Variants in CFAP299 observed in about 807,000 individuals in gnomAD.
The protein encoded by CFAP299 is cilia- and flagella-associated protein 299.
A neutral mutation model predicts 27.0 loss-of-function variants in CFAP299; 21 were observed. That is an observed-to-expected ratio of 0.78 (90% CI 0.55 to 1.12). The LOEUF is 1.12. Ranked by LOEUF, CFAP299 falls within the 50% of genes most tolerant of loss-of-function variation. The probability of loss-of-function intolerance (pLI) is 0.00; values close to 1 mark genes in which losing one functional copy is unlikely to be tolerated. For missense variants in CFAP299, 310 were observed against 276.6 expected (o/e 1.12, Z -0.86); for synonymous variants, 104 against 98.1 (o/e 1.06, Z -0.36).
chr4:80,490,522 T>C (rs1219145846), intron 2 of CFAP299, among the ~76,000 whole-genome samples: 1 of 152,186 alleles, frequency 6.6e-6, no homozygotes, highest in East Asian at 1.9e-4. Flanking sequence ...GAATCTCTCA[T>C]ACCAGAAGAG....
chr4:80,489,780 G>A lies in CFAP299; in HGVS notation c.243-93313G>A, dbSNP rs1731021228. 2.6e-5 allele frequency among the ~76,000 whole-genome samples: 4 copies of A among 152,120 alleles called. No homozygotes were observed. In the South Asian group the frequency reaches 8.3e-4, roughly 32 times the overall value. On this transcript the variant is annotated intron_variant, in intron 2 of 5. Transcript: ENST00000358105. ...CTACTTGACACATGCATATCGTTAT[G>A]ATCTCTCAGACTACTAATTATAATT...
intron 2 of CFAP299, among the ~76,000 whole-genome samples, chr4:80,522,416 A>T (rs1339453528): frequency 1.3e-5 from 2 of 152,064 alleles, no homozygotes; most frequent in African/African-American, 2.4e-5. Flanking sequence ...CTTATCAGTT[A>T]AAGGTTTGGA....
At chr4:80,358,897 T>C (rs1252326661) in intron 1 of CFAP299, among the ~76,000 whole-genome samples, 1 of 152,180 alleles carries the variant, frequency 6.6e-6, no homozygotes, top group Non-Finnish European at 1.5e-5. Flanking sequence ...CTTGTTTATG[T>C]TGTTGCTTCA....
At chr4:80,346,222 G>T (rs1722719516) in intron 1 of CFAP299, among the ~76,000 whole-genome samples, 1 of 152,106 alleles carries the variant, frequency 6.6e-6, no homozygotes, top group African/African-American at 2.4e-5. Context: ...CATTCTGTAG[G>T]TTGCCTCTTC....
intron 2 of CFAP299, among the ~76,000 whole-genome samples, chr4:80,505,673 C>T (rs955714579): frequency 2.0e-5 from 3 of 152,094 alleles, no homozygotes; most frequent in Non-Finnish European, 4.4e-5. Flanking sequence ...AAAATAGCTC[C>T]TCTCTAATAG....
chr4:80,728,007 A>G (rs1327433188), intron 3 of CFAP299, among the ~76,000 whole-genome samples: 1 of 152,074 alleles, frequency 6.6e-6, no homozygotes, highest in African/African-American at 2.4e-5. Flanking sequence ...TCTCATTTCA[A>G]CTATGCATTA....
At chr4:80,342,187 G>A (rs780363092) in intron 1 of CFAP299, among the ~76,000 whole-genome samples, 4 of 152,128 alleles carry the variant, frequency 2.6e-5, no homozygotes, top group African/African-American at 4.8e-5. Flanking sequence ...CTGAACCTAC[G>A]ACTGATTGGG....
chr4:80,703,655 T>C (rs1384735096), intron 3 of CFAP299, among the ~76,000 whole-genome samples: 1 of 151,646 alleles, frequency 6.6e-6, no homozygotes, highest in African/African-American at 2.4e-5. Context: ...TGCTGTGTAG[T>C]TCTTGATATT....
At chr4:80,442,291 A>G (rs141131716) in intron 2 of CFAP299, among the ~76,000 whole-genome samples, 13,621 of 152,168 alleles carry the variant, frequency 0.09, 1,498 homozygotes, top group African/African-American at 0.26. Flanking sequence ...TCTAAAATTG[A>G]CCACATAATT....
intron 3 of CFAP299, among the ~76,000 whole-genome samples, chr4:80,797,453 G>C (rs544978810): frequency 7.0e-6 from 1 of 142,378 alleles, no homozygotes; most frequent in African/African-American, 2.6e-5. Context: ...TAGGAATACC[G>C]TGATCAATTA....
intron 3 of CFAP299, among the ~76,000 whole-genome samples, chr4:80,616,003 C>T (rs987353640): frequency 7.2e-5 from 11 of 152,182 alleles, no homozygotes; most frequent in African/African-American, 2.7e-4. Flanking sequence ...TACTCAGTTA[C>T]TAACTCACTC....
chr4:80,362,622 A>G, intron 1 of CFAP299, 132 bp from the exon 2 acceptor site: 1 of 941,418 alleles, frequency 1.1e-6, no homozygotes, highest in African/African-American at 1.7e-5. Flanking sequence ...GATCATGTCT[A>G]GTTTTTAAAT....
At chr4:80,924,574 A>G (rs2110213538) in intron 4 of CFAP299, among the ~76,000 whole-genome samples, 1 of 143,928 alleles carries the variant, frequency 6.9e-6, no homozygotes, top group Non-Finnish European at 1.5e-5. Flanking sequence ...CTGTGTCTGT[A>G]ATTTCTAGAA....
Position 80,444,495 on chromosome 4 carries a change from A to G in CFAP299, c.242+81611A>G, listed in dbSNP as rs151001685. On this transcript the variant is annotated intron_variant, in intron 2 of 5. Coordinates refer to ENST00000358105, the MANE Select transcript of CFAP299 (RefSeq NM_152770.3). ...AGCCATATGCAGAAAACTGAAACTG[A>G]ACCCCTATCTTACACATTATACAAA... is the stretch of plus-strand genomic sequence containing the variant. Among the ~76,000 whole-genome samples the G allele has an allele frequency of 6.2e-3, 941 of 152,246 alleles. 2 individuals are homozygous for G. The highest frequency in any genetic ancestry group is 0.024 in the Middle Eastern group (7 of 294).
intron 3 of CFAP299, among the ~76,000 whole-genome samples, chr4:80,755,683 T>C (rs1428250682): frequency 6.6e-6 from 1 of 152,122 alleles, no homozygotes; most frequent in African/African-American, 2.4e-5. Flanking sequence ...TTCTAAGTTG[T>C]AATTCCTGTG....
chr4:80,450,779 T>C (rs1728863007), intron 2 of CFAP299, among the ~76,000 whole-genome samples: 1 of 152,106 alleles, frequency 6.6e-6, no homozygotes, highest in African/African-American at 2.4e-5. Context: ...TGTTAAAATA[T>C]TATTTTCAAC....
chr4:80,566,698 C>T (rs1457579587), intron 2 of CFAP299, among the ~76,000 whole-genome samples: 1 of 152,002 alleles, frequency 6.6e-6, no homozygotes, highest in Non-Finnish European at 1.5e-5. Context: ...TCTTTGCTTT[C>T]ATTTTTTTCA....
intron 3 of CFAP299, among the ~76,000 whole-genome samples, chr4:80,697,114 C>A (rs1721149526): frequency 6.6e-6 from 1 of 151,822 alleles, no homozygotes; most frequent in Non-Finnish European, 1.5e-5. Flanking sequence ...GAGGCCAAGG[C>A]AGGAGGATTG....
At chr4:80,364,336 C>T (rs1455337702) in intron 2 of CFAP299, among the ~76,000 whole-genome samples, 2 of 152,000 alleles carry the variant, frequency 1.3e-5, no homozygotes, top group Non-Finnish European at 2.9e-5. Context: ...GGGGGCTGGT[C>T]TTTGCTCCTA....
Sources: gnomAD v4.1 joint callset for allele counts (sites outside exome capture counted in the v4.1 genomes callset) on GRCh38, gnomAD v4.1.1 for gene constraint, MANE v1.5 for transcripts, NCBI Gene and HGNC (gene_info 2026-07-23, HGNC 2026-07-21) for gene names.